The following ZFAT variants were observed in gnomAD, a reference collection of about 807,000 sequenced individuals.
The protein encoded by ZFAT is zinc finger and AT-hook domain containing.
ZFAT carries 64 observed loss-of-function variants against 117.7 expected under a neutral mutation model. That is an observed-to-expected ratio of 0.54 (90% confidence interval 0.44 to 0.67). ZFAT has a LOEUF of 0.67. Ranked by LOEUF, ZFAT falls within the 30% of genes least tolerant of loss-of-function variation. ZFAT has a pLI of 0.00. For synonymous variants in ZFAT, 679 were observed against 615.0 expected (o/e 1.10, Z -1.54); for missense variants, 1,433 against 1,584.5 (o/e 0.90, Z 1.62).
intron 3 of ZFAT, among the ~76,000 whole-genome samples, chr8:134,628,003 G>A (rs1215006906): frequency 1.3e-5 from 2 of 152,174 alleles, no homozygotes; most frequent in African/African-American, 4.8e-5. Flanking sequence ...CGAGGCACGT[G>A]CGCGGCACAA....
At chr8:134,653,288 AAAAC>A (rs1226340477) in intron 2 of ZFAT, among the ~76,000 whole-genome samples, 4 of 116,482 alleles carry the variant, frequency 3.4e-5, no homozygotes, top group African/African-American at 1.1e-4. Flanking sequence ...AAAAAAAAAA[AAAAC>A]AAAAAACAGG....
chr8:134,805,590 A>G, the ZFAT span, among the ~76,000 whole-genome samples: 1 of 152,238 alleles, frequency 6.6e-6, no homozygotes. Context: ...TTTTGTTTCC[A>G]CACCACTTTT....
At chr8:134,697,226 G>A (rs1346991174) in intron 1 of ZFAT, among the ~76,000 whole-genome samples, 3 of 151,854 alleles carry the variant, frequency 2.0e-5, no homozygotes, top group East Asian at 2.0e-4. Flanking sequence ...GCAATTATCC[G>A]CCTCAGCCTC....
At chr8:134,766,552 CT>C in the ZFAT span, 41 of 152,284 alleles carry the variant, frequency 2.7e-4, no homozygotes, top group African/African-American at 9.4e-4. Flanking sequence ...GGGCATTTCA[CT>C]TTTCAATTTA....
intron 1 of ZFAT, among the ~76,000 whole-genome samples, chr8:134,693,065 A>G (rs1043255314): frequency 6.6e-5 from 10 of 152,200 alleles, no homozygotes; most frequent in East Asian, 1.9e-4. Flanking sequence ...AGATACATGT[A>G]TGTCTCGTAT....
the ZFAT span, among the ~76,000 whole-genome samples, chr8:134,772,995 G>A: frequency 6.6e-6 from 1 of 151,722 alleles, no homozygotes. Context: ...GGAGGGCCGA[G>A]GTGTGGGAGG....
At chr8:134,542,202 C>G (rs551586971) in intron 11 of ZFAT, among the ~76,000 whole-genome samples, 1 of 152,348 alleles carries the variant, frequency 6.6e-6, no homozygotes, top group South Asian at 2.1e-4. Context: ...GCAGATTTCC[C>G]TCAGGCAGCT....
At chr8:134,586,159 G>T (rs1267816268) in intron 9 of ZFAT, among the ~76,000 whole-genome samples, 1 of 152,048 alleles carries the variant, frequency 6.6e-6, no homozygotes, top group Non-Finnish European at 1.5e-5. Flanking sequence ...TTATAAATTA[G>T]AGAGGAAAAA....
the ZFAT span, among the ~76,000 whole-genome samples, chr8:134,730,234 A>G: frequency 6.6e-6 from 1 of 152,210 alleles, no homozygotes; most frequent in Non-Finnish European, 1.5e-5. Context: ...CAATGCCCCC[A>G]GTGACAAGGC....
At chr8:134,629,657 ACT>A (rs1275740506) in intron 3 of ZFAT, among the ~76,000 whole-genome samples, 1 of 151,448 alleles carries the variant, frequency 6.6e-6, no homozygotes, top group African/African-American at 2.4e-5. Flanking sequence ...CCCTTCATTC[ACT>A]CTCTCTCCTG....
chr8:134,812,878 C>A, the ZFAT span, among the ~76,000 whole-genome samples: 2 of 152,166 alleles, frequency 1.3e-5, no homozygotes, highest in African/African-American at 4.8e-5. Context: ...TAGGTAGGTA[C>A]TAGTGTTATC....
At chr8:134,567,128 G>A (rs1824524132) in intron 10 of ZFAT, among the ~76,000 whole-genome samples, 1 of 152,150 alleles carries the variant, frequency 6.6e-6, no homozygotes, top group African/African-American at 2.4e-5. Flanking sequence ...CCAACTGCCT[G>A]CTAGACCAGC....
intron 3 of ZFAT, among the ~76,000 whole-genome samples, chr8:134,622,833 C>T (rs1018370646): frequency 9.2e-5 from 14 of 152,150 alleles, no homozygotes; most frequent in African/African-American, 3.4e-4. Context: ...TGACCTCATC[C>T]TCTACCAAAG....
At chr8:134,573,977 T>C (rs1825120221) in intron 10 of ZFAT, among the ~76,000 whole-genome samples, 1 of 152,248 alleles carries the variant, frequency 6.6e-6, no homozygotes, top group Admixed American at 6.5e-5. Flanking sequence ...TTACCCACGT[T>C]GTCCTGTTAG....
chr8:134,701,339 C>T (rs1834002991), intron 1 of ZFAT, among the ~76,000 whole-genome samples: 1 of 152,102 alleles, frequency 6.6e-6, no homozygotes, highest in African/African-American at 2.4e-5. Flanking sequence ...ATGTGGTAGC[C>T]CGTGTCAGGT....
At chr8:134,817,394 TACACACACACA>T in the ZFAT span, among the ~76,000 whole-genome samples, 13 of 126,072 alleles carry the variant, frequency 1.0e-4, no homozygotes, top group African/African-American at 3.9e-4. Flanking sequence ...TCTCTCTCTC[TACACACACACA>T]CACACACACA....
the ZFAT span, chr8:134,793,569 C>T: frequency 6.6e-6 from 1 of 152,234 alleles, no homozygotes; most frequent in African/African-American, 2.4e-5. Flanking sequence ...AGATCCCTCA[C>T]ACGCACAGTT....
At chr8:134,782,746 C>CT in the ZFAT span, among the ~76,000 whole-genome samples, 1 of 152,166 alleles carries the variant, frequency 6.6e-6, no homozygotes, top group Admixed American at 6.5e-5. Flanking sequence ...ATTATGAGGC[C>CT]TCCCCAGCCA....
intron 2 of ZFAT, among the ~76,000 whole-genome samples, chr8:134,643,153 A>C (rs772455554): frequency 2.0e-5 from 3 of 152,268 alleles, no homozygotes; most frequent in Admixed American, 6.5e-5. Flanking sequence ...CATTAGTATG[A>C]TCCCCATCAT....
Sources: allele counts gnomAD v4.1 joint callset (sites outside exome capture counted in the v4.1 genomes callset), GRCh38; gene constraint gnomAD v4.1.1; transcripts MANE v1.5; gene names NCBI Gene and HGNC (gene_info 2026-07-23, HGNC 2026-07-21).